Variants in NECTIN2 observed in about 807,000 individuals in gnomAD.
NECTIN2 encodes the protein nectin-2.
A neutral mutation model predicts 56.9 loss-of-function variants in NECTIN2; 23 were observed. The observed-to-expected ratio is 0.40, with a 90% CI of 0.29 to 0.57. NECTIN2 has a LOEUF of 0.57. Among genes scored for constraint, NECTIN2 ranks in the 20% least tolerant of loss-of-function variants. NECTIN2 has a pLI of 0.38. For synonymous variants in NECTIN2, 302 were observed against 313.8 expected (o/e 0.96, Z 0.40); for missense variants, 587 against 718.3 (o/e 0.82, Z 2.09).
chr19:44,854,286 T>C (rs1968937984), intron 1 of NECTIN2, among the ~76,000 whole-genome samples: 1 of 152,114 alleles, frequency 6.6e-6, no homozygotes, highest in South Asian at 2.1e-4. Context: ...TTTCACTGTG[T>C]CGGCCAGGCT....
chr19:44,871,752 G>A (rs1969176381), intron 2 of NECTIN2, 101 bp from the exon 3 acceptor site: 1 of 1,323,004 alleles, frequency 7.6e-7, no homozygotes, highest in Non-Finnish European at 1.0e-6. Flanking sequence ...GCTGGGATTG[G>A]AACCCCGGCA....
In NECTIN2 at chr19:44,874,287, C is replaced by T. The variant is rs752279616; in HGVS notation, c.894-43C>T. The T allele has an allele frequency of 1.3e-6, 2 of 1,599,368 alleles. No homozygotes were observed. Among genetic ancestry groups the T allele is most frequent in the Non-Finnish European group, 1.7e-6 (2 of 1,166,930 alleles). ...TTAGGGATGAGGCCTGTGCTCCCCT[C>T]TCGACCTTGGTATCCCTCTCACCTG... On this transcript the variant is annotated intron_variant, in intron 4 of 8. Transcript: ENST00000252483. The surrounding 1 kb of genome is among the most constrained non-coding windows in gnomAD (Gnocchi z 6.3).
Position 44,885,500 on chromosome 19 carries a change from T to C in NECTIN2, c.1197-437T>C, listed in dbSNP as rs917174268. On this transcript the variant is annotated intron_variant, in intron 6 of 8. Coordinates refer to ENST00000252483, the MANE Select transcript of NECTIN2 (RefSeq NM_001042724.2). ...CTAATTTTTGTATTTTTTGGGGAGA[T>C]GGCATTTCACCATGTTGGCCAGGCT... 4.0e-5 allele frequency among the ~76,000 whole-genome samples: 6 copies of C among 150,002 alleles called. 1 individual carries two copies. The highest frequency in any genetic ancestry group is 2.7e-4 in the Admixed American group (4 of 15,044).
intron 1 of NECTIN2, among the ~76,000 whole-genome samples, chr19:44,851,885 C>T (rs1293682236): frequency 6.6e-6 from 1 of 152,208 alleles, no homozygotes; most frequent in Non-Finnish European, 1.5e-5. Flanking sequence ...ACATGCAGAG[C>T]GTCTGGGCAG....
chr19:44,865,287 A>G lies in NECTIN2; in HGVS notation c.105A>G (p.Arg35=), dbSNP rs1388124445. The change falls in exon 2 of 9, where the codon CGA becomes CGG. Residue 35 remains arginine (R), a synonymous_variant. Coordinates refer to ENST00000252483, the MANE Select transcript of NECTIN2 (RefSeq NM_001042724.2). This position sits in a 1 kb window ranked among gnomAD's most constrained non-coding sequence, Gnocchi z 5.2. The part of the protein sequence containing the change: ...LLLETGAQDV[R]VQVLPEVRGQ... ...TCTGCCCAGGAGCCCAGGATGTGCGAGTTCAAGTGCTACCCGAGGTGCGAG... is the reference window on the plus strand; with the variant it reads ...TCTGCCCAGGAGCCCAGGATGTGCGGGTTCAAGTGCTACCCGAGGTGCGAG... 1.2e-6 allele frequency: 2 copies of G among 1,611,994 alleles called. No individual in the cohort carries two copies. The highest frequency in any genetic ancestry group is 1.7e-6 in the Non-Finnish European group (2 of 1,178,684).
chr19:44,854,147 C>G (rs1249661941), intron 1 of NECTIN2, among the ~76,000 whole-genome samples: 1 of 152,028 alleles, frequency 6.6e-6, no homozygotes, highest in Non-Finnish European at 1.5e-5. Context: ...ACTCTGTCAC[C>G]CAGGCTGGAG....
At chr19:44,847,795 C>A (rs893968312) in intron 1 of NECTIN2, among the ~76,000 whole-genome samples, 3 of 152,050 alleles carry the variant, frequency 2.0e-5, no homozygotes, top group East Asian at 3.9e-4. Flanking sequence ...TCTGGTAGCG[C>A]CTTTGTCCTC....
chr19:44,872,921 A>G (rs1969194510), intron 3 of NECTIN2, among the ~76,000 whole-genome samples: 1 of 148,636 alleles, frequency 6.7e-6, no homozygotes, highest in South Asian at 2.1e-4. Context: ...TAATTACATT[A>G]TATTATATAT....
intron 2 of NECTIN2, among the ~76,000 whole-genome samples, chr19:44,867,221 C>T (rs1242537927): frequency 1.3e-5 from 2 of 152,014 alleles, no homozygotes; most frequent in African/African-American, 4.8e-5. Context: ...GGGGTTGCAC[C>T]ATGTTGGCCA....
chr19:44,861,440 T>C (rs1175543926), intron 1 of NECTIN2, among the ~76,000 whole-genome samples: 1 of 152,192 alleles, frequency 6.6e-6, no homozygotes, highest in Non-Finnish European at 1.5e-5. Context: ...AAATGTGGTC[T>C]ATATCTACAA....
intron 5 of NECTIN2, among the ~76,000 whole-genome samples, chr19:44,879,995 C>T (rs1415631254): frequency 2.0e-5 from 3 of 151,812 alleles, no homozygotes; most frequent in Admixed American, 2.0e-4. Context: ...CTCTCTCTCT[C>T]ACTCCCCCAC....
chr19:44,858,335 T>A (rs1053859220), intron 1 of NECTIN2, among the ~76,000 whole-genome samples: 23 of 151,202 alleles, frequency 1.5e-4, no homozygotes, highest in African/African-American at 4.6e-4. Flanking sequence ...CTTTTTTTTT[T>A]ATATTTATTT....
At chr19:44,878,164 C>T (rs1344245530) in intron 5 of NECTIN2, 1 of 624,340 alleles carries the variant, frequency 1.6e-6, no homozygotes, top group Non-Finnish European at 2.9e-6. Context: ...CCAGAGCGAT[C>T]CTCGTGATCT....
chr19:44,885,880 G>C, intron 6 of NECTIN2, 57 bp from the exon 7 acceptor site: 2 of 1,415,156 alleles, frequency 1.4e-6, no homozygotes, highest in Non-Finnish European at 2.0e-6. Flanking sequence ...CCATAACCCC[G>C]GAGTCAGAGG....
chr19:44,878,535 T>G, intron 5 of NECTIN2: 1 of 1,614,006 alleles, frequency 6.2e-7, no homozygotes, highest in Non-Finnish European at 8.5e-7. Flanking sequence ...AAAGGCCTCA[T>G]GTTGCCTCCA....
At chr19:44,869,013 A>C (rs1222224500) in intron 2 of NECTIN2, among the ~76,000 whole-genome samples, 4 of 151,928 alleles carry the variant, frequency 2.6e-5, no homozygotes, top group Non-Finnish European at 4.4e-5. Flanking sequence ...CCCCCTTCTC[A>C]GCCCAGAGCG....
In NECTIN2 at chr19:44,874,338, G is replaced by T. The variant is rs1969211376; in HGVS notation, c.902G>T (p.Gly301Val). The T allele has an allele frequency of 1.9e-6, 3 of 1,614,058 alleles. No homozygotes were observed. In the East Asian group the frequency reaches 6.7e-5, roughly 36 times the overall value. The change falls in exon 5 of 9, where the codon GGC becomes GTC. Residue 301 changes from glycine to valine, a missense_variant. Transcript: ENST00000252483. The surrounding 1 kb of genome is among the most constrained non-coding windows in gnomAD (Gnocchi z 6.3). The part of the protein sequence containing the change: ...PTGYDWSTTS[G>V]TFPTSAVAQG... ...ACCCCACACCCCTCCAGGACCTCAG[G>T]CACCTTCCCGACCTCCGCAGTGGCC...
chr19:44,861,001 G>T (rs1742197769), intron 1 of NECTIN2, among the ~76,000 whole-genome samples: 1 of 150,122 alleles, frequency 6.7e-6, no homozygotes. Flanking sequence ...GACCCGAAGA[G>T]ACATTTTTCT....
rs1444970061 is a variant in NECTIN2 at position 44,885,943 on chromosome 19, G to A, written c.1203G>A (p.Glu401=). 2 of 1,584,668 alleles carry A rather than the reference G, an allele frequency of 1.3e-6. No individual in the cohort carries two copies. Among genetic ancestry groups the A allele is most frequent in the Non-Finnish European group, 1.7e-6 (2 of 1,153,498 alleles). The stretch of plus-strand genomic sequence containing the variant: ...CCTACCTCCTACCCCACAGCCTGGA[G>A]GGACCTCCCTCCTACAAGCCACCGA... ...LQGAEEDEDL[E]GPPSYKPPTP... The change falls in exon 7 of 9, where the codon GAG becomes GAA. Residue 401 remains glutamate, a synonymous_variant. Transcript: ENST00000252483.
Sources: gnomAD v4.1 joint callset for allele counts (sites outside exome capture counted in the v4.1 genomes callset) on GRCh38, gnomAD v4.1.1 for gene constraint, Gnocchi (gnomAD v3.1) non-coding constraint, MANE v1.5 for transcripts, NCBI Gene and HGNC (gene_info 2026-07-23, HGNC 2026-07-21) for gene names.